ZNF496: variants seen among roughly 807,000 people sequenced by gnomAD.
ZNF496 encodes the protein NSD1 (nuclear receptor binding SET-domain containing 1)-interacting zinc finger protein 1.
In ZNF496, 11 loss-of-function variants were observed where a neutral mutation model predicts 58.9. That is an observed-to-expected ratio of 0.19 (90% CI 0.12 to 0.31). ZNF496 has a LOEUF of 0.31. Among genes scored for constraint, ZNF496 ranks in the 10% least tolerant of loss-of-function variants. The probability of loss-of-function intolerance (pLI) is 1.00; values close to 1 mark genes in which losing one functional copy is unlikely to be tolerated. For synonymous variants in ZNF496, 338 were observed against 318.2 expected (o/e 1.06, Z -0.66); for missense variants, 660 against 783.0 (o/e 0.84, Z 1.88).
At chr1:247,303,633 G>C (rs975722934) in intron 9 of ZNF496, among the ~76,000 whole-genome samples, 1 of 152,228 alleles carries the variant, frequency 6.6e-6, no homozygotes, top group African/African-American at 2.4e-5. Flanking sequence ...AACAGAAATT[G>C]TAAGTAAGGA....
intron 9 of ZNF496, 127 bp from the exon 10 acceptor site, chr1:247,301,403 G>T: frequency 7.9e-7 from 1 of 1,259,236 alleles, no homozygotes; most frequent in East Asian, 2.5e-5. Context: ...CTCGGTGACC[G>T]GGGCGGCCTG....
In ZNF496 at chr1:247,309,624, G is replaced by C; in HGVS notation, c.892+75C>G. Reference sequence around the variant, plus strand: ...AATTAGGGGCCGCAGAGAGAAGCCAGAGAGTGGGCTCACCTCCGGCTGCCA... The same window carrying C: ...AATTAGGGGCCGCAGAGAGAAGCCACAGAGTGGGCTCACCTCCGGCTGCCA... On this transcript the variant is annotated intron_variant, in intron 8 of 9. Transcript: ENST00000682384. The surrounding 1 kb of genome is among the most constrained non-coding windows in gnomAD (Gnocchi z 4.3). 4.4e-6 allele frequency: 7 copies of C among 1,585,070 alleles called. No homozygotes were observed. The highest frequency in any genetic ancestry group is 6.0e-6 in the Non-Finnish European group (7 of 1,164,298).
In ZNF496 at chr1:247,308,156, AC is replaced by A; in HGVS notation, c.1006+318del. On this transcript the variant is annotated intron_variant, in intron 9 of 9. Coordinates refer to ENST00000682384, the MANE Select transcript of ZNF496 (RefSeq NM_032752.3). The surrounding 1 kb of genome is among the most constrained non-coding windows in gnomAD (Gnocchi z 4.5). ...GGGATTGGGAGTGAGCTGGAGAATGACCCCAGCACAACGGAATCAGGGCAAG... is the reference window on the plus strand; with the variant it reads ...GGGATTGGGAGTGAGCTGGAGAATGACCCAGCACAACGGAATCAGGGCAAG... 2.7e-6 allele frequency: 1 copy of A among 367,408 alleles called. No individual in the cohort carries two copies. Among genetic ancestry groups the A allele is most frequent in the Non-Finnish European group, 3.8e-6 (1 of 265,156 alleles). 22.8% of individuals were successfully genotyped at this position (367,408 alleles called of 1,614,324 possible).
rs1448815694 is a variant in ZNF496, at chr1:247,300,549, G to C, written c.1734C>G (p.Arg578=). 6.2e-7 allele frequency: 1 copy of C among 1,611,544 alleles called. No homozygotes were observed. The highest frequency in any genetic ancestry group is 8.5e-7 in the Non-Finnish European group (1 of 1,178,220). Residue 578 remains arginine, a synonymous_variant, in exon 10 of 10, where the codon CGC becomes CGG. Coordinates refer to ENST00000682384, the MANE Select transcript of ZNF496 (RefSeq NM_032752.3). The surrounding 1 kb of genome is among the most constrained non-coding windows in gnomAD (Gnocchi z 5.7). ...AGGAGTTCAGAGCCTGCTTGGAACG[G>C]CGCTTCATGTGCAGGCGCTCGTGGC... is the stretch of plus-strand genomic sequence containing the variant. The part of the protein sequence containing the change: ...LLRHERLHMK[R]RSKQALNSY
At chr1:247,323,066 G>A (rs1660011248) in intron 6 of ZNF496, 88 bp downstream of exon 6, 2 of 1,136,874 alleles carry the variant, frequency 1.8e-6, no homozygotes. Flanking sequence ...GTGGCAGTCA[G>A]AAAGCTGGCT....
chr1:247,328,009 C>CA (rs1376963753), intron 5 of ZNF496, among the ~76,000 whole-genome samples: 10 of 152,026 alleles, frequency 6.6e-5, no homozygotes, highest in Admixed American at 5.9e-4. Context: ...CCAAAAACCC[C>CA]AAAAAAGGTA....
chr1:247,313,858 A>G (rs1246492649), intron 6 of ZNF496: 1 of 152,226 alleles, frequency 6.6e-6, no homozygotes, highest in Non-Finnish European at 1.5e-5. Flanking sequence ...ATTCTCTTCA[A>G]AGTGTGTTGT....
intron 9 of ZNF496, among the ~76,000 whole-genome samples, chr1:247,305,319 T>A (rs1406184566): frequency 6.6e-6 from 1 of 152,208 alleles, no homozygotes; most frequent in African/African-American, 2.4e-5. Flanking sequence ...GTATATGCAT[T>A]AAACCATTTA....
At chr1:247,307,067 C>A (rs1332119043) in intron 9 of ZNF496, 1 of 983,344 alleles carries the variant, frequency 1.0e-6, no homozygotes, top group Admixed American at 6.2e-5. Flanking sequence ...TCATAGAACA[C>A]AATAAACAAG....
chr1:247,327,437 A>AGAG (rs1660167339), intron 5 of ZNF496, among the ~76,000 whole-genome samples: 1 of 152,196 alleles, frequency 6.6e-6, no homozygotes, highest in African/African-American at 2.4e-5. Flanking sequence ...AGCCAAGGAG[A>AGAG]GAGGCTTCAG....
intron 6 of ZNF496, chr1:247,313,641 C>T (rs1659679829): frequency 6.6e-6 from 1 of 152,170 alleles, no homozygotes; most frequent in Non-Finnish European, 1.5e-5. Context: ...CCAACATGCC[C>T]ACCCTTCCGT....
chr1:247,324,194 T>G (rs1367740178), intron 5 of ZNF496, among the ~76,000 whole-genome samples: 7 of 151,362 alleles, frequency 4.6e-5, no homozygotes, highest in African/African-American at 1.7e-4. Context: ...CTGAAAGACA[T>G]GCTACGAGCA....
chr1:247,320,183 A>G (rs1422531841), intron 6 of ZNF496, among the ~76,000 whole-genome samples: 1 of 152,226 alleles, frequency 6.6e-6, no homozygotes, highest in Admixed American at 6.5e-5. Flanking sequence ...CTGCACACAA[A>G]TATTTACAGC....
chr1:247,320,724 A>G (rs1659936449), intron 6 of ZNF496, among the ~76,000 whole-genome samples: 3 of 152,262 alleles, frequency 2.0e-5, no homozygotes. Context: ...GAGAAGATTC[A>G]TTTAAAAAGA....
At chr1:247,306,502 T>C (rs1659415643) in intron 9 of ZNF496, among the ~76,000 whole-genome samples, 1 of 149,702 alleles carries the variant, frequency 6.7e-6, no homozygotes, top group Admixed American at 6.7e-5. Flanking sequence ...TGGCCGTTTT[T>C]TTTTTCTTTT....
chr1:247,330,507 C>A (rs1204295120), intron 2 of ZNF496, among the ~76,000 whole-genome samples: 2 of 152,224 alleles, frequency 1.3e-5, no homozygotes, highest in Non-Finnish European at 2.9e-5. Flanking sequence ...AGCTGCCACA[C>A]CCCCAAGGTG....
At position 247,329,233 on chromosome 1, in the gene ZNF496, C is replaced by T. The variant is rs188968543; in HGVS notation, c.346G>A (p.Ala116Thr). ...EPESGEQAVA[A>T]VEALEREPGR... The stretch of plus-strand genomic sequence containing the variant: ...GGCTCCCGTTCCAGTGCCTCCACCG[C>T]GGCCACAGCCTGCTCTCCGCTCTCA... The change falls in exon 4 of 10, where the codon GCG (alanine) becomes ACG (threonine). Residue 116 changes from alanine to threonine, a missense_variant. Ala to Thr is a moderately conservative substitution (Grantham distance 58). Transcript: ENST00000682384. This position sits in a 1 kb window ranked among gnomAD's most constrained non-coding sequence, Gnocchi z 5.5. 1.3e-5 allele frequency: 21 copies of T among 1,613,534 alleles called. No individual in the cohort carries two copies. Among genetic ancestry groups the T allele is most frequent in the Middle Eastern group, 3.3e-4 (2 of 6,062 alleles).
chr1:247,303,924 G>A (rs1259550283), intron 9 of ZNF496: 1 of 194,394 alleles, frequency 5.1e-6, no homozygotes, highest in East Asian at 1.7e-4. Context: ...CTCAACAGAA[G>A]CCAGGAACAG....
chr1:247,322,575 C>T (rs533894722), intron 6 of ZNF496: 34 of 436,314 alleles, frequency 7.8e-5, no homozygotes, highest in South Asian at 5.7e-4. Flanking sequence ...TAGAGAGAGG[C>T]GAGTAAGATC....
Sources: allele counts gnomAD v4.1 joint callset (sites outside exome capture counted in the v4.1 genomes callset), GRCh38; gene constraint gnomAD v4.1.1; non-coding constraint Gnocchi (gnomAD v3.1); transcripts MANE v1.5; gene names NCBI Gene and HGNC (gene_info 2026-07-23, HGNC 2026-07-21).